The following PDZRN4 variants were observed in gnomAD, a reference collection of about 807,000 sequenced individuals.
The protein encoded by PDZRN4 is PDZ domain containing ring finger 4, also known as PDZ domain-containing RING finger protein 4.
Under a neutral mutation model 99.0 loss-of-function variants are expected in PDZRN4, and 70 were observed. That is an observed-to-expected ratio of 0.71 (90% CI 0.58 to 0.86). The LOEUF (loss-of-function observed/expected upper bound fraction) is 0.86, where lower values mean the gene tolerates loss of function less well. Ranked by LOEUF, PDZRN4 falls within the 40% of genes least tolerant of loss-of-function variation. PDZRN4 has a pLI of 0.00. For missense variants in PDZRN4, 1,474 were observed against 1,331.2 expected (o/e 1.11, Z -1.67); for synonymous variants, 551 against 501.6 (o/e 1.10, Z -1.32).
chr12:41,512,580 GT>G (rs1938325056), intron 5 of PDZRN4, among the ~76,000 whole-genome samples: 1 of 152,030 alleles, frequency 6.6e-6, no homozygotes, highest in South Asian at 2.1e-4. Context: ...AGGAGGGTGT[GT>G]TTTGTGGAGC....
intron 3 of PDZRN4, among the ~76,000 whole-genome samples, chr12:41,303,546 G>T (rs1951550931): frequency 6.6e-6 from 1 of 152,174 alleles, no homozygotes; most frequent in Admixed American, 6.6e-5. Context: ...CTCACATTCA[G>T]TTAGGTTTCC....
intron 3 of PDZRN4, among the ~76,000 whole-genome samples, chr12:41,236,074 C>G (rs980301249): frequency 1.3e-5 from 2 of 152,004 alleles, no homozygotes; most frequent in Non-Finnish European, 2.9e-5. Context: ...TACTGAGCAC[C>G]TAGATTAAAA....
intron 1 of PDZRN4, 117 bp downstream of exon 1, chr12:41,189,220 G>A: frequency 1.1e-6 from 1 of 924,630 alleles, no homozygotes; most frequent in Non-Finnish European, 1.6e-6. Flanking sequence ...CTATGCAGCA[G>A]GAAACATCCA....
rs1230023001 is a variant in PDZRN4 at position 41,341,793 on chromosome 12, T to TAA, written c.843+147606_843+147607dup. The stretch of plus-strand genomic sequence containing the variant: ...TACTACCCAAAGTGATCTACAAGTT[T>TAA]AATGCAATCATTGTCAAAATACCAA... On this transcript the variant is annotated intron_variant, in intron 3 of 9. Coordinates refer to ENST00000402685, the MANE Select transcript of PDZRN4 (RefSeq NM_001164595.2). 2.0e-5 allele frequency among the ~76,000 whole-genome samples: 3 copies of TAA among 151,888 alleles called. No individual in the cohort carries two copies. The East Asian group carries it at 5.8e-4, about 29-fold the overall frequency.
intron 3 of PDZRN4, among the ~76,000 whole-genome samples, chr12:41,482,601 A>C (rs528379895): frequency 4.6e-5 from 7 of 152,288 alleles, no homozygotes; most frequent in South Asian, 4.1e-4. Flanking sequence ...CCCATTTTAC[A>C]GATGAAGAAA....
At chr12:41,441,398 C>T (rs1952679874) in intron 3 of PDZRN4, among the ~76,000 whole-genome samples, 1 of 152,114 alleles carries the variant, frequency 6.6e-6, no homozygotes, top group Admixed American at 6.6e-5. Flanking sequence ...TGGTTTGGCA[C>T]AGCTAAGAGG....
chr12:41,293,840 A>T (rs1179172846), intron 3 of PDZRN4, among the ~76,000 whole-genome samples: 2 of 152,194 alleles, frequency 1.3e-5, no homozygotes, highest in East Asian at 3.9e-4. Context: ...TGTCATGGAG[A>T]ATGATACAGT....
intron 4 of PDZRN4, among the ~76,000 whole-genome samples, chr12:41,508,226 G>A (rs962903482): frequency 2.6e-4 from 40 of 152,134 alleles, no homozygotes; most frequent in Middle Eastern, 6.8e-3. Context: ...AGGCCTAAGA[G>A]GTCTGACCCC....
chr12:41,190,838 A>ATT (rs1477888446), intron 1 of PDZRN4, among the ~76,000 whole-genome samples: 1 of 152,198 alleles, frequency 6.6e-6, no homozygotes, highest in East Asian at 1.9e-4. Flanking sequence ...TTTTACTATT[A>ATT]TTTGGCCAGC....
At chr12:41,234,648 T>C (rs1478867734) in intron 3 of PDZRN4, among the ~76,000 whole-genome samples, 2 of 152,112 alleles carry the variant, frequency 1.3e-5, no homozygotes, top group East Asian at 3.9e-4. Context: ...ATTAGTCATG[T>C]ATGGGATGGA....
At chr12:41,488,997 G>C (rs762419075) in intron 3 of PDZRN4, among the ~76,000 whole-genome samples, 1 of 152,070 alleles carries the variant, frequency 6.6e-6, no homozygotes, top group South Asian at 2.1e-4. Context: ...GGCTGCATAC[G>C]GCCCAGGACA....
intron 3 of PDZRN4, among the ~76,000 whole-genome samples, chr12:41,489,505 G>A (rs1260233983): frequency 6.6e-6 from 1 of 152,066 alleles, no homozygotes; most frequent in Non-Finnish European, 1.5e-5. Context: ...TGAGGGTAAT[G>A]GAGCAGTAGA....
intron 3 of PDZRN4, among the ~76,000 whole-genome samples, chr12:41,399,250 A>G (rs17575624): frequency 0.01 from 1,528 of 152,320 alleles, 16 homozygotes; most frequent in Non-Finnish European, 0.015. Flanking sequence ...AGAAGAAAAA[A>G]TCAGTCAACA....
At chr12:41,368,918 G>C (rs1182508467) in intron 3 of PDZRN4, among the ~76,000 whole-genome samples, 1 of 152,010 alleles carries the variant, frequency 6.6e-6, no homozygotes. Flanking sequence ...GAAGTATACT[G>C]TTTCATATTT....
At chr12:41,511,636 T>G (rs747043083) in intron 5 of PDZRN4, among the ~76,000 whole-genome samples, 1 of 151,934 alleles carries the variant, frequency 6.6e-6, no homozygotes, top group African/African-American at 2.4e-5. Context: ...AAGGTGGGAG[T>G]GGAGGCATGG....
chr12:41,413,509 G>A (rs1565576611), intron 3 of PDZRN4, among the ~76,000 whole-genome samples: 1 of 152,102 alleles, frequency 6.6e-6, no homozygotes, highest in Non-Finnish European at 1.5e-5. Context: ...CAAATAGCTA[G>A]AAGGAGGATT....
chr12:41,262,860 G>T (rs1951250528), intron 3 of PDZRN4, among the ~76,000 whole-genome samples: 1 of 152,122 alleles, frequency 6.6e-6, no homozygotes, highest in Non-Finnish European at 1.5e-5. Context: ...GGCGTTTCTA[G>T]AATTCAATTG....
At chr12:41,324,789 G>C (rs998336037) in intron 3 of PDZRN4, among the ~76,000 whole-genome samples, 11 of 152,016 alleles carry the variant, frequency 7.2e-5, no homozygotes, top group African/African-American at 2.4e-5. Context: ...AGATTTCAAA[G>C]AGTTGGTATA....
chr12:41,530,953 C>A (rs947334440), intron 5 of PDZRN4, among the ~76,000 whole-genome samples: 5 of 151,972 alleles, frequency 3.3e-5, no homozygotes, highest in Admixed American at 2.6e-4. Context: ...GCATACAGAC[C>A]GGCAGGCTGT....
Sources: gnomAD v4.1 joint callset for allele counts (sites outside exome capture counted in the v4.1 genomes callset) on GRCh38, gnomAD v4.1.1 for gene constraint, MANE v1.5 for transcripts, NCBI Gene and HGNC (gene_info 2026-07-23, HGNC 2026-07-21) for gene names.